HDLBP: variants seen among roughly 807,000 people sequenced by gnomAD.
HDLBP encodes the protein high density lipoprotein binding protein.
HDLBP carries 30 observed loss-of-function variants against 137.3 expected under a neutral mutation model. The observed-to-expected ratio is 0.22, with a 90% CI of 0.16 to 0.30. The LOEUF is 0.30. Among genes scored for constraint, HDLBP ranks in the 10% least tolerant of loss-of-function variants. The probability of loss-of-function intolerance (pLI) is 1.00; values close to 1 mark genes in which losing one functional copy is unlikely to be tolerated. For missense variants in HDLBP, 1,119 were observed against 1,667.3 expected (o/e 0.67, Z 5.73); for synonymous variants, 606 against 596.0 (o/e 1.02, Z -0.24).
chr2:241,278,781 A>G (rs2074490408), intron 1 of HDLBP, among the ~76,000 whole-genome samples: 1 of 152,208 alleles, frequency 6.6e-6, no homozygotes, highest in Admixed American at 6.5e-5. Context: ...TATTAGAACT[A>G]ATTAAAAAGT....
intron 11 of HDLBP, chr2:241,250,820 G>A (rs919620187): frequency 6.6e-6 from 1 of 152,220 alleles, no homozygotes; most frequent in African/African-American, 2.4e-5. Flanking sequence ...ATGGGAGCTG[G>A]GCAGCAGGTT....
chr2:241,289,419 G>C (rs1381077498), intron 1 of HDLBP, among the ~76,000 whole-genome samples: 1 of 152,178 alleles, frequency 6.6e-6, no homozygotes, highest in Non-Finnish European at 1.5e-5. Context: ...TCCACAAAGA[G>C]CTAATTCAAC....
rs187804465 is a variant in HDLBP at position 241,261,942 on chromosome 2, T to C, written c.450+769A>G. Among the ~76,000 whole-genome samples, 5 of 152,314 alleles carry C rather than the reference T, an allele frequency of 3.3e-5. No homozygotes were observed. In the East Asian group the frequency reaches 9.6e-4, roughly 29 times the overall value. On this transcript the variant is annotated intron_variant, in intron 5 of 27. Transcript: ENST00000310931. ...AAGATCAAGGAGACTCAGTAGCAGA[T>C]GGGAAGAACCCCCATTCCTAAATAA...
At chr2:241,315,180 C>G (rs569948188) in intron 1 of HDLBP, 8 of 152,364 alleles carry the variant, frequency 5.3e-5, no homozygotes, top group African/African-American at 1.4e-4. Context: ...GGCCCCAGCC[C>G]GGGCACAGGA....
intron 2 of HDLBP, 193 bp downstream of exon 2, chr2:241,268,284 A>G (rs906591388): frequency 4.7e-5 from 8 of 171,986 alleles, no homozygotes; most frequent in African/African-American, 7.2e-5. Context: ...TGACACATCT[A>G]AGGGACACAC....
Position 241,272,287 on chromosome 2 carries a change from C to A in HDLBP, c.-102-3746G>T. Reference sequence around the variant, plus strand: ...AAGGACCCCGCTGGCCTCCCAGGGACCCCCACCCTGGCCGCACACGGCGCC... The same window carrying A: ...AAGGACCCCGCTGGCCTCCCAGGGAACCCCACCCTGGCCGCACACGGCGCC... On this transcript the variant is annotated intron_variant, in intron 1 of 27. Transcript: ENST00000310931. This position sits in a 1 kb window ranked among gnomAD's most constrained non-coding sequence, Gnocchi z 5.6. 1.0e-6 allele frequency: 1 copy of A among 977,630 alleles called. No individual in the cohort carries two copies. The highest frequency in any genetic ancestry group is 1.2e-6 in the Non-Finnish European group (1 of 823,132). 60.6% of individuals were successfully genotyped at this position (977,630 alleles called of 1,614,324 possible).
At position 241,245,053 on chromosome 2, in the gene HDLBP, TACC is replaced by T. The variant is rs551919988; in HGVS notation, c.1950+1696_1950+1698del. The stretch of plus-strand genomic sequence containing the variant: ...ATGATACATTCTGCTATGTATATTT[TACC>T]ACAATTGAGGAAAAAAATTACAGTA... On this transcript the variant is annotated intron_variant, in intron 16 of 27. Coordinates refer to ENST00000310931, the MANE Select transcript of HDLBP (RefSeq NM_005336.6). 2.6e-3 allele frequency among the ~76,000 whole-genome samples: 401 copies of T among 152,178 alleles called. 3 individuals carry two copies. The highest frequency in any genetic ancestry group is 9.0e-3 in the African/African-American group (371 of 41,418).
rs2069422218 is a variant in HDLBP, at chr2:241,229,188, G to A, written c.*413C>T. The A allele has an allele frequency of 9.9e-6, 2 of 203,032 alleles. No individual in the cohort carries two copies. The highest frequency in any genetic ancestry group is 1.5e-4 in the East Asian group (1 of 6,576). The allele number at this position is 203,032 out of a possible 1,614,324, so 12.6% of individuals were successfully genotyped here. ...GACCAAGGGAAACTGGCAGGAGGGA[G>A]GTGGGAAAGGAAGAGGGCAAACGTT... On this transcript the variant is annotated 3_prime_UTR_variant, in exon 28 of 28. Transcript: ENST00000310931.
In HDLBP at chr2:241,240,095, G is replaced by C; in HGVS notation, c.2197C>G (p.Arg733Gly). ...KQTKSFTVDI[R>G]AKPEYHKFLI... ...AATTTGTGGTATTCTGGCTTGGCGC[G>C]GATGTCAACAGTGAAACTCTTGGTT... is the stretch of plus-strand genomic sequence containing the variant. Residue 733 changes from arginine to glycine, a missense_variant, in exon 18 of 28, where the codon CGC becomes GGC. Physicochemically the swap from Arg to Gly is moderately radical, Grantham distance 125. Around this residue, in one of 4 missense-constraint regions of HDLBP, gnomAD observed 618 missense variants for 816.7 expected, o/e 0.76. Transcript: ENST00000310931. The surrounding 1 kb of genome is among the most constrained non-coding windows in gnomAD (Gnocchi z 5.5). The C allele has an allele frequency of 6.2e-7, 1 of 1,614,156 alleles. No homozygotes were observed. The highest frequency in any genetic ancestry group is 8.5e-7 in the Non-Finnish European group (1 of 1,180,038).
Position 241,239,437 on chromosome 2 carries a change from G to A in HDLBP, c.2610+165C>T, listed in dbSNP as rs2070974683. ...TCACCAACTATCAGGAAGGAGGCCA[G>A]ACAGGCTGAGGAAAGAAGAGCGAGC... is the stretch of plus-strand genomic sequence containing the variant. On this transcript the variant is annotated intron_variant, in intron 19 of 27. Coordinates refer to ENST00000310931, the MANE Select transcript of HDLBP (RefSeq NM_005336.6). This position sits in a 1 kb window ranked among gnomAD's most constrained non-coding sequence, Gnocchi z 4.6. Among the ~76,000 whole-genome samples the A allele has an allele frequency of 6.6e-6, 1 of 151,828 alleles. No homozygotes were observed. The highest frequency in any genetic ancestry group is 2.4e-5 in the African/African-American group (1 of 41,296).
At chr2:241,273,154 C>A (rs888036633) in intron 1 of HDLBP, 1 of 985,362 alleles carries the variant, frequency 1.0e-6, no homozygotes, top group African/African-American at 1.7e-5. Flanking sequence ...CGCCCACCTC[C>A]CCAAAATCAG....
intron 22 of HDLBP, 63 bp downstream of exon 22, chr2:241,235,427 G>A (rs1574850845): frequency 6.8e-7 from 1 of 1,462,432 alleles, no homozygotes; most frequent in Non-Finnish European, 9.6e-7. Context: ...AAAGGACACT[G>A]GCACTCGGGA....
At chr2:241,306,613 C>T (rs2075584012) in intron 1 of HDLBP, among the ~76,000 whole-genome samples, 1 of 152,040 alleles carries the variant, frequency 6.6e-6, no homozygotes, top group African/African-American at 2.4e-5. Flanking sequence ...TCAAAAAGTA[C>T]CCCAAGTCAG....
chr2:241,296,100 C>CAA (rs34959720), intron 1 of HDLBP, among the ~76,000 whole-genome samples: 2,470 of 85,530 alleles, frequency 0.029, 64 homozygotes, highest in Non-Finnish European at 0.038. Flanking sequence ...GAAAATTTTG[C>CAA]AAAAAAAAAA....
intron 7 of HDLBP, 116 bp from the exon 8 acceptor site, chr2:241,255,696 C>A: frequency 1.3e-6 from 1 of 752,416 alleles, no homozygotes. Context: ...GATGCTGATC[C>A]CAAGAAGTGA....
At position 241,266,816 on chromosome 2, in the gene HDLBP, C is replaced by G. The variant is rs897532917; in HGVS notation, c.54G>C (p.Gly18=). The G allele has an allele frequency of 5.6e-6, 9 of 1,612,546 alleles. No homozygotes were observed. Among genetic ancestry groups the G allele is most frequent in the Non-Finnish European group, 7.6e-6 (9 of 1,178,556 alleles). Residue 18 remains glycine, a synonymous_variant, in exon 3 of 28, where the codon GGG becomes GGC. Transcript: ENST00000310931. The stretch of plus-strand genomic sequence containing the variant: ...CACCTTTGATTTGTTGCGGAACCAG[C>G]CCACTTCGGTGTTCAGCAAAACTCT... ...TQESFAEHRS[G]LVPQQIKVAT...
chr2:241,276,872 GT>G (rs1412724457), intron 1 of HDLBP, among the ~76,000 whole-genome samples: 1 of 151,934 alleles, frequency 6.6e-6, no homozygotes, highest in Non-Finnish European at 1.5e-5. Context: ...GGTAACACAG[GT>G]TATGGGATTG....
chr2:241,298,754 C>T (rs1257823192), intron 1 of HDLBP, among the ~76,000 whole-genome samples: 1 of 152,176 alleles, frequency 6.6e-6, no homozygotes, highest in East Asian at 1.9e-4. Flanking sequence ...AAGAACCCAG[C>T]CTCCTCCTTG....
chr2:241,234,046 G>T (rs536580027), intron 23 of HDLBP, 83 bp from the exon 24 acceptor site: 20 of 1,480,286 alleles, frequency 1.4e-5, no homozygotes, highest in Non-Finnish European at 1.9e-5. Flanking sequence ...CTGGTCATAG[G>T]ACACTGGAGA....
Sources: gnomAD v4.1 joint callset for allele counts (sites outside exome capture counted in the v4.1 genomes callset) on GRCh38, gnomAD v4.1.1 for gene constraint, gnomAD v4.1.1 regional missense constraint, Gnocchi (gnomAD v3.1) non-coding constraint, MANE v1.5 for transcripts, NCBI Gene and HGNC (gene_info 2026-07-23, HGNC 2026-07-21) for gene names.